The following GABRG3 variants were observed in gnomAD, a reference collection of about 807,000 sequenced individuals.
GABRG3 encodes gamma-aminobutyric acid receptor subunit gamma-3.
GABRG3 carries 25 observed loss-of-function variants against 48.8 expected under a neutral mutation model. The ratio of observed to expected loss-of-function variants is 0.51; its 90% CI spans 0.37 to 0.72. The LOEUF (loss-of-function observed/expected upper bound fraction) is 0.72. GABRG3 is among the 30% of genes least tolerant of loss of function. The pLI is 0.00. For missense variants in GABRG3, 394 were observed against 577.9 expected, an observed-to-expected ratio of 0.68 and a Z score of 3.26; for synonymous variants, 227 against 217.6, an observed-to-expected ratio of 1.04 and a Z score of -0.38.
At position 27,454,427 on chromosome 15, in the gene GABRG3, A is replaced by G. The variant is rs552011550; in HGVS notation, c.575-26223A>G. ...AGGAAAGTTGAGTAATGGATTTTTA[A>G]TAACGTTGCTTCTAAACTGAAAAAC... is the stretch of plus-strand genomic sequence containing the variant. On this transcript the variant is annotated intron_variant, in intron 5 of 9. Transcript: ENST00000615808. 3.3e-5 allele frequency among the ~76,000 whole-genome samples: 5 copies of G among 152,290 alleles called. No homozygotes were observed. In the East Asian group the frequency reaches 9.7e-4, roughly 29 times the overall value.
intron 5 of GABRG3, among the ~76,000 whole-genome samples, chr15:27,433,407 C>A (rs1007213559): frequency 1.3e-5 from 2 of 152,200 alleles, no homozygotes; most frequent in Admixed American, 6.5e-5. Flanking sequence ...CCTTTCCTTG[C>A]CAGCTTTTAG....
chr15:27,232,685 T>G (rs1311969696), intron 3 of GABRG3, among the ~76,000 whole-genome samples: 1 of 152,222 alleles, frequency 6.6e-6, no homozygotes, highest in African/African-American at 2.4e-5. Flanking sequence ...AAGGCCTGGC[T>G]GAAAAAGGTG....
At chr15:27,380,972 A>G (rs1451349321) in intron 5 of GABRG3, among the ~76,000 whole-genome samples, 2 of 151,890 alleles carry the variant, frequency 1.3e-5, no homozygotes, top group Non-Finnish European at 2.9e-5. Context: ...TCACCGTGTT[A>G]GCCAGGACGG....
intron 3 of GABRG3, among the ~76,000 whole-genome samples, chr15:27,288,411 G>T (rs1245308078): frequency 6.6e-6 from 1 of 151,912 alleles, no homozygotes; most frequent in Non-Finnish European, 1.5e-5. Flanking sequence ...CAACTAGATG[G>T]TCCCATCTGG....
At chr15:26,971,681 C>G (rs1052046776) in intron 1 of GABRG3, 93 bp downstream of exon 1, 19 of 1,370,548 alleles carry the variant, frequency 1.4e-5, no homozygotes, top group South Asian at 9.4e-5. Context: ...GCGCGCCAGC[C>G]GTCGGCTGGG....
At chr15:27,235,844 C>T (rs192002262) in intron 3 of GABRG3, among the ~76,000 whole-genome samples, 12 of 152,066 alleles carry the variant, frequency 7.9e-5, no homozygotes, top group Non-Finnish European at 1.2e-4. Context: ...GCTGGGAAAA[C>T]GAGAAACAGA....
chr15:27,380,912 C>T (rs1246349763), intron 5 of GABRG3, among the ~76,000 whole-genome samples: 1 of 151,896 alleles, frequency 6.6e-6, no homozygotes, highest in Admixed American at 6.6e-5. Context: ...ACTACAGGCG[C>T]CTGCCACCAT....
chr15:27,048,910 G>A (rs1023892691), intron 3 of GABRG3, among the ~76,000 whole-genome samples: 2 of 152,214 alleles, frequency 1.3e-5, no homozygotes, highest in Non-Finnish European at 1.5e-5. Context: ...GGATTCTTCT[G>A]TGACAGCCAG....
chr15:27,519,318 C>G (rs1433990244), intron 6 of GABRG3, among the ~76,000 whole-genome samples: 2 of 152,164 alleles, frequency 1.3e-5, no homozygotes, highest in African/African-American at 4.8e-5. Flanking sequence ...TCTCTAGTCA[C>G]ATCTGCATTG....
intron 3 of GABRG3, chr15:27,161,132 T>G (rs1295326212): frequency 6.6e-6 from 1 of 152,156 alleles, no homozygotes; most frequent in Non-Finnish European, 1.5e-5. Flanking sequence ...GGACCCATCG[T>G]ATGTTACTAC....
chr15:27,173,230 A>G (rs969042520), intron 3 of GABRG3, among the ~76,000 whole-genome samples: 19 of 152,272 alleles, frequency 1.2e-4, no homozygotes, highest in African/African-American at 4.3e-4. Flanking sequence ...TTACCTACCT[A>G]ATTTATTTCA....
intron 3 of GABRG3, among the ~76,000 whole-genome samples, chr15:27,064,048 G>A (rs1312579960): frequency 2.0e-5 from 3 of 152,166 alleles, no homozygotes; most frequent in Non-Finnish European, 2.9e-5. Flanking sequence ...CAGTAGATTC[G>A]TTTAATGTGT....
intron 3 of GABRG3, among the ~76,000 whole-genome samples, chr15:27,150,128 A>G (rs543625289): frequency 6.6e-6 from 1 of 152,208 alleles, no homozygotes; most frequent in African/African-American, 2.4e-5. Flanking sequence ...CATCATTTAG[A>G]TGTTTCTTTT....
rs375839388 is a variant in GABRG3 at position 27,112,022 on chromosome 15, C to G, written c.270+85201C>G. ...TATTTTGGATCCTTACCATGAGAATCTGGTGGAACGCTTGAAGAAAAGTTC... is the reference window on the plus strand; with the variant it reads ...TATTTTGGATCCTTACCATGAGAATGTGGTGGAACGCTTGAAGAAAAGTTC... On this transcript the variant is annotated intron_variant, in intron 3 of 9. Transcript: ENST00000615808. 2.6e-5 allele frequency among the ~76,000 whole-genome samples: 4 copies of G among 152,278 alleles called. No homozygotes were observed. In the East Asian group the frequency reaches 5.8e-4, roughly 22 times the overall value.
At chr15:26,995,550 TTTG>T (rs965278352) in intron 2 of GABRG3, among the ~76,000 whole-genome samples, 3 of 151,918 alleles carry the variant, frequency 2.0e-5, no homozygotes, top group African/African-American at 7.2e-5. Context: ...TCTTTTTTTT[TTTG>T]TTAAGTGGAT....
chr15:27,155,432 C>CT (rs972284861), intron 3 of GABRG3, among the ~76,000 whole-genome samples: 5 of 152,114 alleles, frequency 3.3e-5, no homozygotes, highest in Admixed American at 2.6e-4. Flanking sequence ...AACTGATTAT[C>CT]TTTTTTCCTT....
chr15:27,181,982 TATATA>T (rs1040548933), intron 3 of GABRG3, among the ~76,000 whole-genome samples: 21 of 148,898 alleles, frequency 1.4e-4, no homozygotes, highest in African/African-American at 4.4e-4. Flanking sequence ...TGCTATATAA[TATATA>T]ATATAATAAT....
chr15:27,141,051 A>G (rs1898093358), intron 3 of GABRG3, among the ~76,000 whole-genome samples: 1 of 152,104 alleles, frequency 6.6e-6, no homozygotes, highest in Non-Finnish European at 1.5e-5. Flanking sequence ...TATACAGAAA[A>G]GTGGGTTCAG....
intron 5 of GABRG3, among the ~76,000 whole-genome samples, chr15:27,438,630 G>T (rs1888689430): frequency 6.6e-6 from 1 of 152,168 alleles, no homozygotes; most frequent in Non-Finnish European, 1.5e-5. Flanking sequence ...GAGACTGCAG[G>T]GAGCCCGCCT....
Sources: gnomAD v4.1 joint callset for allele counts (sites outside exome capture counted in the v4.1 genomes callset) on GRCh38, gnomAD v4.1.1 for gene constraint, MANE v1.5 for transcripts, NCBI Gene and HGNC (gene_info 2026-07-23, HGNC 2026-07-21) for gene names.